The following GALNT13 variants were observed in gnomAD, a reference collection of about 807,000 sequenced individuals.
GALNT13 encodes polypeptide N-acetylgalactosaminyltransferase 13, also known as UDP-GalNAc:polypeptide N-acetylgalactosaminyltransferase 13.
Under a neutral mutation model 64.2 loss-of-function variants are expected in GALNT13, and 28 were observed. The ratio of observed to expected loss-of-function variants is 0.44; its 90% CI spans 0.32 to 0.60. The LOEUF is 0.60. Among genes scored for constraint, GALNT13 ranks in the 20% least tolerant of loss-of-function variants. GALNT13 has a pLI of 0.05. For synonymous variants in GALNT13, 214 were observed against 224.6 expected (o/e 0.95, Z 0.42); for missense variants, 577 against 669.8 (o/e 0.86, Z 1.53).
intron 9 of GALNT13, among the ~76,000 whole-genome samples, chr2:154,313,719 C>G (rs925016394): frequency 2.0e-5 from 3 of 152,054 alleles, no homozygotes; most frequent in Admixed American, 1.3e-4. Context: ...TCCCAAAGTG[C>G]TGGGATTACA....
the GALNT13 span, among the ~76,000 whole-genome samples, chr2:153,466,254 C>T: frequency 2.0e-5 from 3 of 152,158 alleles, no homozygotes; most frequent in East Asian, 3.9e-4. Context: ...CTTCTACTCA[C>T]TCTTGCCAGT....
intron 9 of GALNT13, among the ~76,000 whole-genome samples, chr2:154,335,802 G>A (rs1695411842): frequency 6.6e-6 from 1 of 151,954 alleles, no homozygotes; most frequent in East Asian, 1.9e-4. Flanking sequence ...TAAAGTAAAT[G>A]TTTGCCCATT....
the GALNT13 span, among the ~76,000 whole-genome samples, chr2:153,213,923 C>A: frequency 6.6e-6 from 1 of 152,076 alleles, no homozygotes; most frequent in East Asian, 1.9e-4. Context: ...AATATACAAC[C>A]CTGTGCTGAA....
the GALNT13 span, among the ~76,000 whole-genome samples, chr2:153,501,663 A>G: frequency 1.3e-5 from 2 of 152,172 alleles, no homozygotes; most frequent in African/African-American, 2.4e-5. Flanking sequence ...GAGTCCCTGG[A>G]CATCAGAAGT....
chr2:154,189,972 A>G (rs1261821452), intron 4 of GALNT13, among the ~76,000 whole-genome samples: 1 of 152,206 alleles, frequency 6.6e-6, no homozygotes, highest in African/African-American at 2.4e-5. Context: ...AAACCATATA[A>G]AAACCTGAAT....
At chr2:153,518,515 G>A in the GALNT13 span, among the ~76,000 whole-genome samples, 19 of 152,138 alleles carry the variant, frequency 1.2e-4, no homozygotes, top group African/African-American at 4.1e-4. Flanking sequence ...ACATGGGCTT[G>A]AATCATGTCT....
At chr2:153,799,302 G>A in the GALNT13 span, among the ~76,000 whole-genome samples, 2 of 152,160 alleles carry the variant, frequency 1.3e-5, no homozygotes, top group Non-Finnish European at 2.9e-5. Context: ...AAGGACAGCT[G>A]CATAGATCAG....
chr2:153,481,955 T>C, the GALNT13 span, among the ~76,000 whole-genome samples: 1 of 152,164 alleles, frequency 6.6e-6, no homozygotes, highest in Admixed American at 6.5e-5. Context: ...TATTACACAA[T>C]GTAAGCAGGA....
chr2:153,641,925 AAT>A, the GALNT13 span, among the ~76,000 whole-genome samples: 22 of 152,078 alleles, frequency 1.4e-4, no homozygotes, highest in Admixed American at 6.6e-4. Context: ...CTAATTATAA[AAT>A]ATATGTCATA....
At chr2:154,215,966 T>TA (rs1320439130) in intron 4 of GALNT13, among the ~76,000 whole-genome samples, 1 of 151,842 alleles carries the variant, frequency 6.6e-6, no homozygotes, top group African/African-American at 2.4e-5. Context: ...GAATAAATTT[T>TA]AAAATATTTA....
At chr2:153,722,676 C>CT in the GALNT13 span, among the ~76,000 whole-genome samples, 1 of 152,190 alleles carries the variant, frequency 6.6e-6, no homozygotes, top group East Asian at 1.9e-4. Context: ...CTACAAACAC[C>CT]TCTGTGCAAA....
chr2:153,532,422 G>C, the GALNT13 span, among the ~76,000 whole-genome samples: 9 of 152,110 alleles, frequency 5.9e-5, no homozygotes, highest in African/African-American at 2.2e-4. Flanking sequence ...AAAAGATCAT[G>C]CTTCTCTCAT....
the GALNT13 span, among the ~76,000 whole-genome samples, chr2:153,070,585 T>C: frequency 6.6e-5 from 10 of 152,340 alleles, no homozygotes; most frequent in African/African-American, 2.2e-4. Flanking sequence ...ATAGGAATTC[T>C]GTATACTTTC....
chr2:153,971,452 AT>A (rs1356530017), intron 3 of GALNT13, among the ~76,000 whole-genome samples: 3 of 152,164 alleles, frequency 2.0e-5, no homozygotes, highest in Non-Finnish European at 4.4e-5. Flanking sequence ...CACATCAGAT[AT>A]GTGAATGAGG....
the GALNT13 span, among the ~76,000 whole-genome samples, chr2:153,749,651 A>G: frequency 6.6e-6 from 1 of 151,904 alleles, no homozygotes; most frequent in Non-Finnish European, 1.5e-5. Flanking sequence ...CACTGTTGGC[A>G]TATAGAAATG....
At chr2:154,191,019 T>C (rs1686548246) in intron 4 of GALNT13, among the ~76,000 whole-genome samples, 1 of 152,144 alleles carries the variant, frequency 6.6e-6, no homozygotes, top group African/African-American at 2.4e-5. Flanking sequence ...CATGCTTCTA[T>C]CATATTGGAC....
At chr2:154,346,598 G>A (rs775623458) in intron 9 of GALNT13, among the ~76,000 whole-genome samples, 2 of 152,032 alleles carry the variant, frequency 1.3e-5, no homozygotes, top group African/African-American at 2.4e-5. Flanking sequence ...CATGTAAAGT[G>A]TACCTTTTGC....
intron 4 of GALNT13, among the ~76,000 whole-genome samples, chr2:154,219,270 G>T (rs1297532218): frequency 2.0e-5 from 3 of 151,974 alleles, no homozygotes; most frequent in Non-Finnish European, 4.4e-5. Flanking sequence ...ACATTCTTAT[G>T]AGGTAGGTGT....
chr2:153,722,909 A>G, the GALNT13 span, among the ~76,000 whole-genome samples: 1 of 151,520 alleles, frequency 6.6e-6, no homozygotes, highest in Non-Finnish European at 1.5e-5. Flanking sequence ...TTCTGAAACT[A>G]TTCCAATCAA....
Sources: allele counts gnomAD v4.1 joint callset (sites outside exome capture counted in the v4.1 genomes callset), GRCh38; gene constraint gnomAD v4.1.1; transcripts MANE v1.5; gene names NCBI Gene and HGNC (gene_info 2026-07-23, HGNC 2026-07-21).